PPP2R2B: variants seen among roughly 807,000 people sequenced by gnomAD.
PPP2R2B encodes the protein serine/threonine-protein phosphatase 2A 55 kDa regulatory subunit B beta isoform.
In PPP2R2B, 5 loss-of-function variants were observed where a neutral mutation model predicts 46.0. The observed-to-expected ratio is 0.11, with a 90% CI of 0.06 to 0.23. The LOEUF (loss-of-function observed/expected upper bound fraction) is 0.23, where lower values mean the gene tolerates loss of function less well. Among genes scored for constraint, PPP2R2B ranks in the 10% least tolerant of loss-of-function variants. The pLI is 1.00. For missense variants in PPP2R2B, 367 were observed against 575.0 expected (o/e 0.64, Z 3.70); for synonymous variants, 215 against 206.7 (o/e 1.04, Z -0.34).
chr5:146,960,583 G>C (rs1321878591), intron 1 of PPP2R2B, among the ~76,000 whole-genome samples: 3 of 152,102 alleles, frequency 2.0e-5, no homozygotes, highest in African/African-American at 7.2e-5. Context: ...GTCGCTCAGA[G>C]TTTGAGCAGG....
intron 2 of PPP2R2B, among the ~76,000 whole-genome samples, chr5:147,079,495 C>A: frequency 7.5e-6 from 1 of 132,462 alleles, no homozygotes; most frequent in African/African-American, 2.8e-5. Flanking sequence ...TATTACTCAG[C>A]CATAAAAAAG....
intron 1 of PPP2R2B, among the ~76,000 whole-genome samples, chr5:146,958,542 C>T (rs537090570): frequency 6.6e-6 from 1 of 152,118 alleles, no homozygotes; most frequent in African/African-American, 2.4e-5. Context: ...ATGAATTTTA[C>T]TAACTCTGTA....
intron 1 of PPP2R2B, among the ~76,000 whole-genome samples, chr5:146,958,897 G>A (rs1355210913): frequency 6.6e-6 from 1 of 152,176 alleles, no homozygotes; most frequent in Non-Finnish European, 1.5e-5. Context: ...TTTCAGAGAT[G>A]AGAAAACTAT....
chr5:146,861,248 G>A (rs1283384691), intron 2 of PPP2R2B, among the ~76,000 whole-genome samples: 1 of 151,942 alleles, frequency 6.6e-6, no homozygotes, highest in South Asian at 2.1e-4. Flanking sequence ...TGTGGAGACA[G>A]GGTTTCACCG....
At chr5:146,982,729 T>C (rs150817934) in intron 1 of PPP2R2B, among the ~76,000 whole-genome samples, 2 of 152,246 alleles carry the variant, frequency 1.3e-5, no homozygotes, top group African/African-American at 4.8e-5. Flanking sequence ...GTGGTACATA[T>C]GCACTTAGGA....
At chr5:146,664,851 C>T (rs550147596) in intron 5 of PPP2R2B, among the ~76,000 whole-genome samples, 122 of 152,198 alleles carry the variant, frequency 8.0e-4, no homozygotes, top group East Asian at 3.3e-3. Flanking sequence ...GTTAGCAGGC[C>T]GGAAAACATT....
At chr5:147,056,419 AAC>A (rs1757085093), upstream of PPP2R2B, among the ~76,000 whole-genome samples, 1 of 152,200 alleles carries the variant, frequency 6.6e-6, no homozygotes, top group South Asian at 2.1e-4. Context: ...ACAGAGGGCT[AAC>A]ACAGATAGAT....
At chr5:146,706,304 C>A (rs1779846669) in intron 2 of PPP2R2B, 2 of 540,254 alleles carry the variant, frequency 3.7e-6, no homozygotes, top group African/African-American at 1.9e-5. Flanking sequence ...GCTGAAGGAG[C>A]TGGAACCTGC....
chr5:146,733,879 G>C (rs749915373), intron 2 of PPP2R2B, among the ~76,000 whole-genome samples: 4 of 152,208 alleles, frequency 2.6e-5, no homozygotes, highest in Non-Finnish European at 4.4e-5. Flanking sequence ...AGCAGCAGCA[G>C]TAGTAGTGGT....
intron 1 of PPP2R2B, among the ~76,000 whole-genome samples, chr5:146,927,989 C>T (rs1763838607): frequency 6.6e-6 from 1 of 152,124 alleles, no homozygotes; most frequent in Admixed American, 6.5e-5. Context: ...ATCCACCCGC[C>T]TTGGCCTCCC....
chr5:147,061,210 G>C (rs1334322944), intron 2 of PPP2R2B, among the ~76,000 whole-genome samples: 1 of 152,080 alleles, frequency 6.6e-6, no homozygotes, highest in South Asian at 2.1e-4. Flanking sequence ...GAAAGAGGTA[G>C]GTAATAAACA....
At chr5:147,051,208 A>T (rs1314749988) in intron 1 of PPP2R2B, among the ~76,000 whole-genome samples, 2 of 152,234 alleles carry the variant, frequency 1.3e-5, no homozygotes, top group East Asian at 3.8e-4. Context: ...TTTCGGATTC[A>T]GAGAGTTTGG....
At chr5:146,933,374 G>A (rs1764029599) in intron 1 of PPP2R2B, among the ~76,000 whole-genome samples, 1 of 152,062 alleles carries the variant, frequency 6.6e-6, no homozygotes, top group Non-Finnish European at 1.5e-5. Flanking sequence ...GCAGGTCAAA[G>A]CTGCACCTTA....
At chr5:146,945,527 C>T (rs745340877) in intron 1 of PPP2R2B, among the ~76,000 whole-genome samples, 5 of 152,146 alleles carry the variant, frequency 3.3e-5, no homozygotes, top group Non-Finnish European at 7.3e-5. Context: ...TACCTTGCTC[C>T]CCACTGCAAC....
At chr5:146,694,779 A>G (rs1258097033) in intron 4 of PPP2R2B, among the ~76,000 whole-genome samples, 1 of 151,658 alleles carries the variant, frequency 6.6e-6, no homozygotes, top group Non-Finnish European at 1.5e-5. Context: ...AGATAGAGAT[A>G]CCTATTATAC....
chr5:146,887,809 G>A (rs781779644), intron 1 of PPP2R2B, among the ~76,000 whole-genome samples: 1 of 152,094 alleles, frequency 6.6e-6, no homozygotes, highest in Non-Finnish European at 1.5e-5. Flanking sequence ...AACCAATGAA[G>A]GTGGAGAAAT....
intron 1 of PPP2R2B, among the ~76,000 whole-genome samples, chr5:146,924,903 T>G (rs1582438190): frequency 6.6e-6 from 1 of 152,276 alleles, no homozygotes; most frequent in East Asian, 1.9e-4. Flanking sequence ...TATTCCACGG[T>G]GTATATGTGC....
chr5:146,670,336 A>C (rs1777263607), intron 5 of PPP2R2B, among the ~76,000 whole-genome samples: 1 of 152,186 alleles, frequency 6.6e-6, no homozygotes. Context: ...AGATGAACTC[A>C]GTTGGTCTGA....
At chr5:146,912,439 G>T (rs1040341651) in intron 1 of PPP2R2B, among the ~76,000 whole-genome samples, 3 of 151,848 alleles carry the variant, frequency 2.0e-5, no homozygotes, top group Admixed American at 6.6e-5. Flanking sequence ...ATAGAGGGGG[G>T]ATATTTAGGC....
Sources: gnomAD v4.1 joint callset for allele counts (sites outside exome capture counted in the v4.1 genomes callset) on GRCh38, gnomAD v4.1.1 for gene constraint, MANE v1.5 for transcripts, NCBI Gene and HGNC (gene_info 2026-07-23, HGNC 2026-07-21) for gene names.